The following CAMTA1 variants were observed in gnomAD, a reference collection of about 807,000 sequenced individuals.
CAMTA1 encodes calmodulin-binding transcription activator 1.
A neutral mutation model predicts 170.9 loss-of-function variants in CAMTA1; 27 were observed. The observed-to-expected ratio is 0.16, with a 90% confidence interval of 0.12 to 0.22. CAMTA1 has a LOEUF of 0.22. Among genes scored for constraint, CAMTA1 ranks in the 10% least tolerant of loss-of-function variants. The pLI is 1.00. For missense variants in CAMTA1, 1,619 were observed against 2,217.2 expected (o/e 0.73, Z 5.42); for synonymous variants, 833 against 891.5 (o/e 0.93, Z 1.17).
intron 6 of CAMTA1, among the ~76,000 whole-genome samples, chr1:7,577,457 G>A (rs903401354): frequency 1.3e-5 from 2 of 152,244 alleles, no homozygotes; most frequent in East Asian, 1.9e-4. Flanking sequence ...GTGACTGGTC[G>A]GGAATTTCAC....
At chr1:7,052,299 T>C (rs1706530948) in intron 3 of CAMTA1, among the ~76,000 whole-genome samples, 1 of 152,118 alleles carries the variant, frequency 6.6e-6, no homozygotes, top group Admixed American at 6.5e-5. Flanking sequence ...GACGACACCT[T>C]GGTTTCTCAG....
chr1:7,030,046 AT>A (rs1702577082), intron 3 of CAMTA1, among the ~76,000 whole-genome samples: 1 of 152,224 alleles, frequency 6.6e-6, no homozygotes, highest in African/African-American at 2.4e-5. Context: ...CAGATGCATA[AT>A]TAGAAAAGGA....
intron 3 of CAMTA1, among the ~76,000 whole-genome samples, chr1:6,876,328 C>T (rs1214656282): frequency 2.6e-5 from 4 of 151,834 alleles, no homozygotes; most frequent in Admixed American, 6.6e-5. Flanking sequence ...ACAGAGTTGA[C>T]GTGCAAATGA....
intron 6 of CAMTA1, among the ~76,000 whole-genome samples, chr1:7,505,804 G>A (rs1427975266): frequency 1.3e-5 from 2 of 152,194 alleles, no homozygotes; most frequent in Non-Finnish European, 2.9e-5. Flanking sequence ...ACGGTCTTGG[G>A]TGTCCGGCCC....
chr1:7,272,565 A>C (rs567194828), intron 5 of CAMTA1, among the ~76,000 whole-genome samples: 1 of 152,028 alleles, frequency 6.6e-6, no homozygotes, highest in African/African-American at 2.4e-5. Context: ...CAATGGAATA[A>C]AATTGAGAGT....
At chr1:6,906,181 A>AATGCTCCTTGCAAT in intron 3 of CAMTA1, among the ~76,000 whole-genome samples, 1 of 151,964 alleles carries the variant, frequency 6.6e-6, no homozygotes, top group Non-Finnish European at 1.5e-5. Context: ...GTCATGTCAA[A>AATGCTCCTTGCAAT]TGGTACTCCC....
intron 6 of CAMTA1, among the ~76,000 whole-genome samples, chr1:7,476,683 A>T (rs1149339): frequency 0.63 from 95,819 of 151,782 alleles, 31,068 homozygotes; most frequent in East Asian, 0.8. Context: ...AATCCTCCTG[A>T]CTCTCTGCTG....
Position 7,163,327 on chromosome 1 carries a change from C to G in CAMTA1, c.302+71956C>G, listed in dbSNP as rs529026126. Reference sequence around the variant, plus strand: ...GAAAGGTCACTGGATGGGGGGAGACCAAGGAGCGGGAGGCCGGGGGGTGGG... The same window carrying G: ...GAAAGGTCACTGGATGGGGGGAGACGAAGGAGCGGGAGGCCGGGGGGTGGG... On this transcript the variant is annotated intron_variant, in intron 4 of 22. Coordinates refer to ENST00000303635, the MANE Select transcript of CAMTA1 (RefSeq NM_015215.4). Among the ~76,000 whole-genome samples, 11 of 102,712 alleles carry G rather than the reference C, an allele frequency of 1.1e-4. No homozygotes were observed. In the South Asian group the frequency reaches 2.5e-3, roughly 23 times the overall value. The allele number at this position is 102,712 out of a possible 152,430, so 67.4% of individuals were successfully genotyped here.
intron 6 of CAMTA1, among the ~76,000 whole-genome samples, chr1:7,599,601 C>T (rs2095425346): frequency 6.6e-6 from 1 of 152,114 alleles, no homozygotes; most frequent in South Asian, 2.1e-4. Context: ...TTGTTTGTAC[C>T]CTCTTTTATT....
At position 7,248,251 on chromosome 1, in the gene CAMTA1, C is replaced by T. The variant is rs1666130598; in HGVS notation, c.303-1240C>T. ...TCGTAGCAAGAAGAAAAGAAAGGCGCTGGAGGGTCTTGCCCCAGCCCTGCG... is the reference window on the plus strand; with the variant it reads ...TCGTAGCAAGAAGAAAAGAAAGGCGTTGGAGGGTCTTGCCCCAGCCCTGCG... On this transcript the variant is annotated intron_variant, in intron 4 of 22. Coordinates refer to ENST00000303635, the MANE Select transcript of CAMTA1 (RefSeq NM_015215.4). The surrounding 1 kb of genome is among the most constrained non-coding windows in gnomAD (Gnocchi z 4.0). 6.6e-6 allele frequency among the ~76,000 whole-genome samples: 1 copy of T among 152,312 alleles called. No homozygotes were observed. Among genetic ancestry groups the T allele is most frequent in the Admixed American group, 6.5e-5 (1 of 15,296 alleles).
intron 6 of CAMTA1, among the ~76,000 whole-genome samples, chr1:7,516,114 G>A (rs761247305): frequency 2.6e-5 from 4 of 152,338 alleles, no homozygotes; most frequent in Non-Finnish European, 4.4e-5. Flanking sequence ...CCTCCCAGCC[G>A]GCTGGGGAAC....
chr1:7,405,652 G>A (rs75595908), intron 5 of CAMTA1, among the ~76,000 whole-genome samples: 4,879 of 152,280 alleles, frequency 0.032, 180 homozygotes, highest in African/African-American at 0.087. Context: ...GATTACAGGT[G>A]TAAGTCACCA....
At chr1:7,518,916 A>C (rs369865280) in intron 6 of CAMTA1, among the ~76,000 whole-genome samples, 25 of 152,054 alleles carry the variant, frequency 1.6e-4, no homozygotes, top group African/African-American at 5.6e-4. Context: ...TGCCAGCCCC[A>C]GTACTTGGGA....
In CAMTA1 at chr1:6,904,153, C is replaced by A. The variant is rs1005415682; in HGVS notation, c.234+78943C>A. Among the ~76,000 whole-genome samples the A allele has an allele frequency of 1.3e-5, 2 of 152,198 alleles. 1 individual carries two copies. Among genetic ancestry groups the A allele is most frequent in the African/African-American group, 4.8e-5 (2 of 41,422 alleles). ...CCATTCTTTCCTTCACCACAGAAAT[C>A]GTGCATCTGCCTCCTCATTCCATTC... On this transcript the variant is annotated intron_variant, in intron 3 of 22. Transcript: ENST00000303635.
chr1:7,590,457 A>C (rs2095347204), intron 6 of CAMTA1, among the ~76,000 whole-genome samples: 1 of 152,126 alleles, frequency 6.6e-6, no homozygotes. Context: ...GCTCTTCAGG[A>C]TTAAGGGCCA....
intron 7 of CAMTA1, 141 bp downstream of exon 7, chr1:7,640,694 C>G (rs1256557955): frequency 3.0e-6 from 3 of 987,228 alleles, no homozygotes; most frequent in Non-Finnish European, 4.6e-6. Context: ...GCACCGTGAG[C>G]TTAGCTTTTG....
chr1:7,385,665 G>T (rs544293162), intron 5 of CAMTA1, among the ~76,000 whole-genome samples: 49 of 152,268 alleles, frequency 3.2e-4, no homozygotes, highest in African/African-American at 1.1e-3. Context: ...GGCCAGCCCC[G>T]AGGCCTGTTG....
chr1:7,636,924 CAATT>C (rs2095716677), intron 6 of CAMTA1, among the ~76,000 whole-genome samples: 1 of 152,192 alleles, frequency 6.6e-6, no homozygotes, highest in Non-Finnish European at 1.5e-5. Flanking sequence ...GATGTTCAGA[CAATT>C]AAAACACAAA....
chr1:7,701,851 C>T (rs2096443846), intron 11 of CAMTA1, among the ~76,000 whole-genome samples: 1 of 152,168 alleles, frequency 6.6e-6, no homozygotes, highest in African/African-American at 2.4e-5. Flanking sequence ...CCCAGTGTAA[C>T]AATATGCTTG....
Sources: gnomAD v4.1 joint callset for allele counts (sites outside exome capture counted in the v4.1 genomes callset) on GRCh38, gnomAD v4.1.1 for gene constraint, Gnocchi (gnomAD v3.1) non-coding constraint, MANE v1.5 for transcripts, NCBI Gene and HGNC (gene_info 2026-07-23, HGNC 2026-07-21) for gene names.